The following STPG2 variants were observed in gnomAD, a reference collection of about 807,000 sequenced individuals.
The protein encoded by STPG2 is sperm tail PG-rich repeat containing 2, also known as sperm-tail PG-rich repeat-containing protein 2.
STPG2 carries 56 observed loss-of-function variants against 54.2 expected under a neutral mutation model. That is an observed-to-expected ratio of 1.03 (90% CI 0.83 to 1.29). STPG2 has a LOEUF of 1.29. Among genes scored for constraint, STPG2 ranks in the 50% most tolerant of loss-of-function variants. The pLI is 0.00. For synonymous variants in STPG2, 200 were observed against 181.8 expected, an observed-to-expected ratio of 1.10 and a Z score of -0.81; for missense variants, 596 against 544.9, an observed-to-expected ratio of 1.09 and a Z score of -0.93.
At chr4:98,140,790 T>C (rs1280212864) in intron 1 of STPG2, among the ~76,000 whole-genome samples, 1 of 151,924 alleles carries the variant, frequency 6.6e-6, no homozygotes, top group Non-Finnish European at 1.5e-5. Flanking sequence ...TGGTTATGAC[T>C]CAAGGACATC....
At chr4:97,850,341 T>TA (rs1047301827) in intron 8 of STPG2, among the ~76,000 whole-genome samples, 1 of 139,338 alleles carries the variant, frequency 7.2e-6, no homozygotes, top group Non-Finnish European at 1.6e-5. Flanking sequence ...TAGAGCACAG[T>TA]AAAAAACTAA....
chr4:98,015,352 A>G (rs1043480656), intron 5 of STPG2, among the ~76,000 whole-genome samples: 2 of 152,198 alleles, frequency 1.3e-5, no homozygotes, highest in Non-Finnish European at 2.9e-5. Context: ...AATTTAAACA[A>G]ATTTACAAGA....
chr4:97,527,485 G>A (rs1369874723), intron 4 of STPG2, among the ~76,000 whole-genome samples: 1 of 151,882 alleles, frequency 6.6e-6, no homozygotes, highest in African/African-American at 2.4e-5. Context: ...CTTCATAGTA[G>A]AATGATATAT....
chr4:97,629,542 G>C (rs1362296175), intron 10 of STPG2, among the ~76,000 whole-genome samples: 3 of 151,790 alleles, frequency 2.0e-5, no homozygotes, highest in African/African-American at 7.3e-5. Flanking sequence ...AGAATGACAG[G>C]GCTCATATTA....
chr4:97,780,587 G>C (rs531389979), intron 9 of STPG2, among the ~76,000 whole-genome samples: 78 of 120,910 alleles, frequency 6.5e-4, no homozygotes, highest in African/African-American at 2.5e-3. Flanking sequence ...GGACCTAATA[G>C]ACATCTGCAG....
At chr4:97,761,363 C>T (rs1054022473) in intron 9 of STPG2, among the ~76,000 whole-genome samples, 1 of 151,984 alleles carries the variant, frequency 6.6e-6, no homozygotes, top group Non-Finnish European at 1.5e-5. Context: ...GGAAGATGGC[C>T]ATGTGATGAT....
intron 10 of STPG2, among the ~76,000 whole-genome samples, chr4:97,645,125 G>T (rs1721876555): frequency 6.6e-6 from 1 of 151,830 alleles, no homozygotes; most frequent in Non-Finnish European, 1.5e-5. Context: ...TAACTTGGAG[G>T]TTATAAATAA....
At chr4:98,020,418 G>A (rs933527264) in intron 5 of STPG2, among the ~76,000 whole-genome samples, 3 of 147,112 alleles carry the variant, frequency 2.0e-5, no homozygotes, top group Non-Finnish European at 4.5e-5. Flanking sequence ...GATTCGGTTT[G>A]CCAGTATTTT....
chr4:97,535,022 G>C (rs937178594), intron 4 of STPG2, among the ~76,000 whole-genome samples: 1 of 152,062 alleles, frequency 6.6e-6, no homozygotes, highest in African/African-American at 2.4e-5. Context: ...CCATTCACTG[G>C]TTGAAGAAAA....
chr4:97,969,214 T>C (rs1415381048), intron 7 of STPG2, among the ~76,000 whole-genome samples: 1 of 152,236 alleles, frequency 6.6e-6, no homozygotes, highest in Non-Finnish European at 1.5e-5. Flanking sequence ...TTACTGCTGA[T>C]TAATATCGTG....
intron 5 of STPG2, among the ~76,000 whole-genome samples, chr4:98,086,393 GA>G (rs1267945138): frequency 1.3e-5 from 2 of 151,918 alleles, no homozygotes; most frequent in Non-Finnish European, 2.9e-5. Context: ...AAAAGAGGAA[GA>G]AAAATATTTT....
At chr4:97,894,180 T>C (rs1335119421) in intron 8 of STPG2, among the ~76,000 whole-genome samples, 2 of 151,984 alleles carry the variant, frequency 1.3e-5, no homozygotes, top group Non-Finnish European at 2.9e-5. Flanking sequence ...CAGTTCTAAA[T>C]ATGAATTCAC....
intron 8 of STPG2, among the ~76,000 whole-genome samples, chr4:97,890,158 T>A (rs184015024): frequency 6.6e-6 from 1 of 152,126 alleles, no homozygotes; most frequent in Admixed American, 6.5e-5. Flanking sequence ...ACCATGATAA[T>A]CCTGAATGTT....
intron 9 of STPG2, among the ~76,000 whole-genome samples, chr4:97,801,520 A>G (rs149800682): frequency 6.6e-6 from 1 of 152,330 alleles, no homozygotes; most frequent in African/African-American, 2.4e-5. Context: ...TGCCAGTAAT[A>G]TAGAAGCTAT....
At chr4:97,860,584 C>T (rs180989832) in intron 8 of STPG2, among the ~76,000 whole-genome samples, 5 of 151,572 alleles carry the variant, frequency 3.3e-5, no homozygotes, top group Non-Finnish European at 7.4e-5. Flanking sequence ...AGCTTGGTCA[C>T]TGTTGATGTA....
At chr4:97,620,736 C>T (rs1217486352) in intron 10 of STPG2, among the ~76,000 whole-genome samples, 1 of 152,056 alleles carries the variant, frequency 6.6e-6, no homozygotes, top group Non-Finnish European at 1.5e-5. Context: ...GACAGATCAT[C>T]AAGGCAGAAA....
intron 8 of STPG2, among the ~76,000 whole-genome samples, chr4:97,863,475 A>G (rs1236907953): frequency 6.6e-6 from 1 of 152,124 alleles, no homozygotes; most frequent in African/African-American, 2.4e-5. Context: ...AACCAAAAAA[A>G]AGTCCAGGAC....
intron 3 of STPG2, among the ~76,000 whole-genome samples, chr4:98,124,811 C>T (rs1739784208): frequency 6.6e-6 from 1 of 152,154 alleles, no homozygotes; most frequent in African/African-American, 2.4e-5. Context: ...TTCATGTATG[C>T]CAGTCAGTCA....
intron 9 of STPG2, among the ~76,000 whole-genome samples, chr4:97,780,914 T>C (rs1283990466): frequency 1.3e-5 from 2 of 152,000 alleles, no homozygotes; most frequent in African/African-American, 4.8e-5. Flanking sequence ...CCAGAATCTC[T>C]GGGACACATT....
Sources: gnomAD v4.1 joint callset for allele counts (sites outside exome capture counted in the v4.1 genomes callset) on GRCh38, gnomAD v4.1.1 for gene constraint, MANE v1.5 for transcripts, NCBI Gene and HGNC (gene_info 2026-07-23, HGNC 2026-07-21) for gene names.